The following PIK3C2A variants were observed in gnomAD, a reference collection of about 807,000 sequenced individuals.
PIK3C2A encodes the protein phosphatidylinositol 4-phosphate 3-kinase C2 domain-containing subunit alpha.
A neutral mutation model predicts 204.5 loss-of-function variants in PIK3C2A; 97 were observed. The observed-to-expected ratio is 0.47, with a 90% CI of 0.40 to 0.56. The LOEUF (loss-of-function observed/expected upper bound fraction) is 0.56, where lower values mean the gene tolerates loss of function less well. Ranked by LOEUF, PIK3C2A falls within the 20% of genes least tolerant of loss-of-function variation. The probability of loss-of-function intolerance (pLI) is 0.00; values close to 1 mark genes in which losing one functional copy is unlikely to be tolerated. For synonymous variants in PIK3C2A, 653 were observed against 664.4 expected (o/e 0.98, Z 0.26); for missense variants, 1,735 against 1,969.2 (o/e 0.88, Z 2.25).
intron 1 of PIK3C2A, among the ~76,000 whole-genome samples, chr11:17,176,220 T>C (rs977629963): frequency 2.6e-5 from 4 of 151,926 alleles, no homozygotes; most frequent in Non-Finnish European, 5.9e-5. Flanking sequence ...TTGGCCAGGC[T>C]GGTCTCAAAC....
chr11:17,178,070 G>A (rs1486881373), intron 1 of PIK3C2A, among the ~76,000 whole-genome samples: 2 of 117,788 alleles, frequency 1.7e-5, no homozygotes, highest in African/African-American at 7.0e-5. Flanking sequence ...TCCAGCCTGG[G>A]CAACAGAGTG....
chr11:17,105,704 T>G (rs1226862114), intron 22 of PIK3C2A, among the ~76,000 whole-genome samples: 2 of 152,240 alleles, frequency 1.3e-5, no homozygotes, highest in Non-Finnish European at 2.9e-5. Flanking sequence ...GCTTCATTCA[T>G]GTCCCTGCAA....
intron 1 of PIK3C2A, 100 bp from the exon 2 acceptor site, chr11:17,169,906 GA>G: frequency 1.8e-6 from 1 of 570,166 alleles, no homozygotes; most frequent in Non-Finnish European, 3.0e-6. Context: ...AAGCCACTTA[GA>G]AAAATATACT....
At chr11:17,106,880 C>T (rs906543748) in intron 22 of PIK3C2A, among the ~76,000 whole-genome samples, 3 of 152,192 alleles carry the variant, frequency 2.0e-5, no homozygotes, top group East Asian at 1.9e-4. Context: ...TTCCAGAATA[C>T]GTTAGCACTT....
chr11:17,101,608 T>C (rs1294551834), intron 24 of PIK3C2A, among the ~76,000 whole-genome samples, 174 bp from the exon 25 acceptor site: 1 of 141,984 alleles, frequency 7.0e-6, no homozygotes, highest in Admixed American at 7.0e-5. Context: ...TTTTTTTTTC[T>C]TTTTTTTTTT....
At chr11:17,180,125 C>T (rs1851485014) in intron 1 of PIK3C2A, among the ~76,000 whole-genome samples, 1 of 152,008 alleles carries the variant, frequency 6.6e-6, no homozygotes, top group Non-Finnish European at 1.5e-5. Context: ...GTATACTATG[C>T]ATCAAGCACT....
Position 17,092,040 on chromosome 11 carries a change from G to C in PIK3C2A, c.4598C>G (p.Pro1533Arg), listed in dbSNP as rs1848326388. ...TTCAGCTTTCTCATCACGAAGTAAAGGGTGGAAGAAAGTACAAACAAGATC... is the reference window on the plus strand; with the variant it reads ...TTCAGCTTTCTCATCACGAAGTAAACGGTGGAAGAAAGTACAAACAAGATC... Reference protein sequence around the residue: ...ECDLVCTFFHPLLRDEKAEGI... With the variant: ...ECDLVCTFFHRLLRDEKAEGI... The change falls in exon 30 of 33, where the codon CCT (proline) becomes CGT (arginine). Residue 1533 changes from proline (P) to arginine (R), a missense_variant. Physicochemically the swap from Pro to Arg is moderately radical, Grantham distance 103. Around this residue, in one of 6 missense-constraint regions of PIK3C2A, gnomAD observed 503 missense variants for 669.0 expected, o/e 0.75. Coordinates refer to ENST00000691414, the MANE Select transcript of PIK3C2A (RefSeq NM_002645.4). The C allele has an allele frequency of 1.2e-6, 2 of 1,611,216 alleles. No individual in the cohort carries two copies. Among genetic ancestry groups the C allele is most frequent in the African/African-American group, 1.3e-5 (1 of 74,870 alleles).
At chr11:17,138,967 G>A (rs1590952196) in intron 8 of PIK3C2A, among the ~76,000 whole-genome samples, 1 of 152,146 alleles carries the variant, frequency 6.6e-6, no homozygotes, top group East Asian at 1.9e-4. Flanking sequence ...GAGTGCGATG[G>A]CGCGATCTTG....
chr11:17,177,466 C>G (rs1035913216), intron 1 of PIK3C2A, among the ~76,000 whole-genome samples: 1 of 152,060 alleles, frequency 6.6e-6, no homozygotes, highest in African/African-American at 2.4e-5. Flanking sequence ...GCTAAAATGA[C>G]TCATTAATAA....
intron 1 of PIK3C2A, among the ~76,000 whole-genome samples, chr11:17,201,538 AAAAAAG>A (rs1435200875): frequency 0.018 from 598 of 32,596 alleles, 5 homozygotes; most frequent in African/African-American, 0.064. Context: ...AAAAAAAAAA[AAAAAAG>A]AAAAAAGAAA....
Position 17,136,602 on chromosome 11 carries a change from T to A in PIK3C2A, c.1728A>T (p.Gln576His). 6.3e-7 allele frequency: 1 copy of A among 1,588,274 alleles called. No individual in the cohort carries two copies. Among genetic ancestry groups the A allele is most frequent in the Non-Finnish European group, 8.6e-7 (1 of 1,160,226 alleles). ...QIENQHRAVD[Q>H]VIKAVRKICS... Reference sequence around the variant, plus strand: ...AGATTTTTCTTACAGCTTTAATTACTTGATCTACTGCTCGGTGTTGGTTCT... The same window carrying A: ...AGATTTTTCTTACAGCTTTAATTACATGATCTACTGCTCGGTGTTGGTTCT... The change falls in exon 9 of 33, where the codon CAA becomes CAT. Residue 576 changes from glutamine to histidine, a missense_variant. Transcript: ENST00000691414.
intron 1 of PIK3C2A, among the ~76,000 whole-genome samples, chr11:17,184,397 T>C (rs1851682696): frequency 6.6e-6 from 1 of 152,016 alleles, no homozygotes; most frequent in Non-Finnish European, 1.5e-5. Context: ...TATCCTGACC[T>C]TGTGTAGGCC....
At chr11:17,156,168 C>T (rs1469838773) in intron 2 of PIK3C2A, among the ~76,000 whole-genome samples, 1 of 152,152 alleles carries the variant, frequency 6.6e-6, no homozygotes, top group East Asian at 1.9e-4. Context: ...TTACAGCTTT[C>T]AGGGAGATCA....
At chr11:17,158,138 T>G (rs1278654460) in intron 2 of PIK3C2A, among the ~76,000 whole-genome samples, 4 of 151,948 alleles carry the variant, frequency 2.6e-5, no homozygotes, top group African/African-American at 9.7e-5. Context: ...TCACCTGAGG[T>G]CGGGAGTTCA....
intron 1 of PIK3C2A, among the ~76,000 whole-genome samples, chr11:17,190,035 T>C (rs1478321151): frequency 6.6e-6 from 1 of 150,912 alleles, no homozygotes; most frequent in African/African-American, 2.4e-5. Context: ...GAGGCCAAGG[T>C]GGGTGGATCA....
intron 8 of PIK3C2A, chr11:17,138,282 A>G: frequency 4.4e-6 from 3 of 677,238 alleles, no homozygotes; most frequent in Non-Finnish European, 7.8e-6. Flanking sequence ...AAAGCCTATG[A>G]GGATATGCCA....
At chr11:17,156,455 T>C (rs1423512103) in intron 2 of PIK3C2A, among the ~76,000 whole-genome samples, 1 of 152,172 alleles carries the variant, frequency 6.6e-6, no homozygotes, top group African/African-American at 2.4e-5. Context: ...CACTCAACAA[T>C]GGCTCACTGC....
At chr11:17,139,726 C>T (rs978657362) in intron 8 of PIK3C2A, among the ~76,000 whole-genome samples, 1 of 152,160 alleles carries the variant, frequency 6.6e-6, no homozygotes, top group African/African-American at 2.4e-5. Flanking sequence ...TATATTCAAC[C>T]CCCAAATGGT....
chr11:17,161,875 A>G (rs1850786320), intron 2 of PIK3C2A, among the ~76,000 whole-genome samples: 1 of 152,212 alleles, frequency 6.6e-6, no homozygotes, highest in African/African-American at 2.4e-5. Flanking sequence ...TGAAAAATTA[A>G]AAGCTCCGTG....
Sources: allele counts gnomAD v4.1 joint callset (sites outside exome capture counted in the v4.1 genomes callset), GRCh38; gene constraint gnomAD v4.1.1; regional missense constraint gnomAD v4.1.1; transcripts MANE v1.5; gene names NCBI Gene and HGNC (gene_info 2026-07-23, HGNC 2026-07-21).